KLF12: variants seen among roughly 807,000 people sequenced by gnomAD.
The protein encoded by KLF12 is Krueppel-like factor 12.
Under a neutral mutation model 37.8 loss-of-function variants are expected in KLF12, and 9 were observed. The ratio of observed to expected loss-of-function variants is 0.24; its 90% confidence interval spans 0.14 to 0.42. KLF12 has a LOEUF of 0.42. KLF12 is among the 10% of genes least tolerant of loss of function. KLF12 has a pLI of 1.00. For missense variants in KLF12, 411 were observed against 516.0 expected, an observed-to-expected ratio of 0.80 and a Z score of 1.97; for synonymous variants, 208 against 202.1, an observed-to-expected ratio of 1.03 and a Z score of -0.25.
chr13:74,032,573 T>C (rs984556801), intron 1 of KLF12, among the ~76,000 whole-genome samples: 1 of 152,174 alleles, frequency 6.6e-6, no homozygotes, highest in Non-Finnish European at 1.5e-5. Context: ...AACGCTTGCT[T>C]TCTCCATGTA....
intron 1 of KLF12, among the ~76,000 whole-genome samples, chr13:73,999,092 A>T (rs1298393324): frequency 6.6e-6 from 1 of 152,230 alleles, no homozygotes; most frequent in Non-Finnish European, 1.5e-5. Flanking sequence ...TCATGGCTAT[A>T]GGAAAAGAGA....
intron 3 of KLF12, among the ~76,000 whole-genome samples, chr13:73,927,745 A>T (rs942605575): frequency 2.2e-5 from 3 of 136,008 alleles, no homozygotes; most frequent in African/African-American, 5.5e-5. Context: ...ACCCGGCTAA[A>T]TTTTTTTTTT....
chr13:74,215,427 CTTTTTTT>C, the KLF12 span, among the ~76,000 whole-genome samples: 8 of 60,384 alleles, frequency 1.3e-4, 1 homozygote, highest in East Asian at 9.9e-4. Flanking sequence ...CCTCTGGGTT[CTTTTTTT>C]TTTTTTTTTT....
chr13:74,002,557 G>A (rs1593820877), intron 1 of KLF12, among the ~76,000 whole-genome samples: 7 of 152,116 alleles, frequency 4.6e-5, no homozygotes, highest in East Asian at 1.9e-4. Flanking sequence ...TTGTAGAGAC[G>A]GAGTTCTGCC....
chr13:74,105,498 TC>T (rs1876602784), intron 1 of KLF12, among the ~76,000 whole-genome samples: 1 of 152,086 alleles, frequency 6.6e-6, no homozygotes, highest in Non-Finnish European at 1.5e-5. Flanking sequence ...TGTAGGTTTT[TC>T]CAAAAAGCAA....
At chr13:73,886,987 C>T (rs1205559012) in intron 3 of KLF12, among the ~76,000 whole-genome samples, 4 of 102,800 alleles carry the variant, frequency 3.9e-5, no homozygotes, top group South Asian at 3.8e-4. Flanking sequence ...AGCGAAAATC[C>T]GTCTCAAAAA....
At chr13:74,180,720 T>C in the KLF12 span, among the ~76,000 whole-genome samples, 1 of 152,286 alleles carries the variant, frequency 6.6e-6, no homozygotes, top group East Asian at 1.9e-4. Context: ...TGGGAATCAG[T>C]AGATCAGGTT....
At chr13:74,234,872 A>G in the KLF12 span, among the ~76,000 whole-genome samples, 1 of 152,186 alleles carries the variant, frequency 6.6e-6, no homozygotes, top group Non-Finnish European at 1.5e-5. Flanking sequence ...AAAATTTATA[A>G]AAAGGTATAC....
intron 5 of KLF12, among the ~76,000 whole-genome samples, chr13:73,809,287 T>C (rs1034639339): frequency 6.8e-6 from 1 of 147,900 alleles, no homozygotes; most frequent in African/African-American, 2.5e-5. Context: ...AGTTTATTGA[T>C]CATATTACAA....
intron 1 of KLF12, among the ~76,000 whole-genome samples, chr13:74,038,988 C>T (rs17062015): frequency 0.16 from 23,307 of 149,862 alleles, 2,095 homozygotes; most frequent in African/African-American, 0.24. Flanking sequence ...ATAGCCATTA[C>T]TATTTTTTTA....
chr13:74,184,147 G>T, the KLF12 span, among the ~76,000 whole-genome samples: 1 of 152,134 alleles, frequency 6.6e-6, no homozygotes, highest in Admixed American at 6.5e-5. Flanking sequence ...TGACTCAGAT[G>T]TACAAAGATC....
intron 1 of KLF12, among the ~76,000 whole-genome samples, chr13:74,016,025 T>A (rs965990873): frequency 6.6e-6 from 1 of 152,168 alleles, no homozygotes; most frequent in African/African-American, 2.4e-5. Flanking sequence ...CAAATAAGTA[T>A]GTCTATTGGA....
At chr13:73,807,144 C>T (rs1882686828) in intron 5 of KLF12, among the ~76,000 whole-genome samples, 1 of 151,976 alleles carries the variant, frequency 6.6e-6, no homozygotes, top group Non-Finnish European at 1.5e-5. Context: ...CCCGTCTCTA[C>T]TAAAAATACA....
chr13:73,916,266 C>G (rs561388215), intron 3 of KLF12, among the ~76,000 whole-genome samples: 55 of 147,816 alleles, frequency 3.7e-4, no homozygotes, highest in African/African-American at 8.7e-4. Context: ...CACACACACA[C>G]AGCTTTAAAG....
At chr13:74,054,530 A>G (rs1873130432) in intron 1 of KLF12, among the ~76,000 whole-genome samples, 1 of 152,002 alleles carries the variant, frequency 6.6e-6, no homozygotes, top group South Asian at 2.1e-4. Flanking sequence ...GACAGAACAA[A>G]AGAGAACTTC....
intron 2 of KLF12, among the ~76,000 whole-genome samples, chr13:73,976,687 C>T (rs964955980): frequency 6.6e-6 from 1 of 152,120 alleles, no homozygotes; most frequent in African/African-American, 2.4e-5. Context: ...ATCCTCATCA[C>T]GCTGAAAGAA....
intron 1 of KLF12, among the ~76,000 whole-genome samples, chr13:74,108,086 T>A (rs1876754743): frequency 6.6e-6 from 1 of 152,216 alleles, no homozygotes; most frequent in Non-Finnish European, 1.5e-5. Context: ...TTATTCATCT[T>A]CCACACAAGG....
At chr13:74,172,142 GACACACACAC>G in the KLF12 span, among the ~76,000 whole-genome samples, 4 of 145,960 alleles carry the variant, frequency 2.7e-5, no homozygotes, top group African/African-American at 1.0e-4. Context: ...TTTTCCTCAC[GACACACACAC>G]ACACACACAC....
chr13:73,796,201 T>A (rs1881952004), intron 5 of KLF12, among the ~76,000 whole-genome samples: 1 of 152,172 alleles, frequency 6.6e-6, no homozygotes, highest in Admixed American at 6.5e-5. Context: ...CCTCTGACTG[T>A]CATTCTTATT....
Sources: allele counts gnomAD v4.1 joint callset (sites outside exome capture counted in the v4.1 genomes callset), GRCh38; gene constraint gnomAD v4.1.1; transcripts MANE v1.5; gene names NCBI Gene and HGNC (gene_info 2026-07-23, HGNC 2026-07-21).